DCN: variants seen among roughly 807,000 people sequenced by gnomAD.
DCN encodes the protein decorin.
Under a neutral mutation model 36.5 loss-of-function variants are expected in DCN, and 17 were observed. The observed-to-expected ratio is 0.47, with a 90% CI of 0.32 to 0.70. The LOEUF (loss-of-function observed/expected upper bound fraction) is 0.70, where lower values mean the gene tolerates loss of function less well. Among genes scored for constraint, DCN ranks in the 30% least tolerant of loss-of-function variants. The pLI, the probability that DCN is intolerant of heterozygous loss-of-function variation, is 0.04. For missense variants in DCN, 389 were observed against 430.1 expected (o/e 0.90, Z 0.84); for synonymous variants, 163 against 161.4 (o/e 1.01, Z -0.07).
In DCN at chr12:91,145,448, A is replaced by T. The variant is rs1298552139; in HGVS notation, c.*610T>A. On this transcript the variant is annotated 3_prime_UTR_variant, in exon 8 of 8. Coordinates refer to ENST00000052754, the MANE Select transcript of DCN (RefSeq NM_001920.5). ...TGAGAACTTGAAAAGATGTACTGTT[A>T]TTGTCAACAAACCAATGTCTTCTCC... is the stretch of plus-strand genomic sequence containing the variant. The T allele has an allele frequency of 6.3e-6, 1 of 158,112 alleles. No individual in the cohort carries two copies. The highest frequency in any genetic ancestry group is 2.4e-5 in the African/African-American group (1 of 41,482). The allele number at this position is 158,112 out of a possible 1,614,324, so 9.8% of individuals were successfully genotyped here.
At position 91,143,664 on chromosome 12, in the gene DCN, T is replaced by C. The variant is rs2121107788; in HGVS notation, c.*2394A>G. On this transcript the variant is annotated 3_prime_UTR_variant, in exon 8 of 8. Transcript: ENST00000052754. ...TCCATAAGACATGTACAATTAATAT[T>C]CCCATTTTATGGACAAGGAAATGAG... 6.6e-6 allele frequency: 1 copy of C among 151,852 alleles called. No homozygotes were observed. The highest frequency in any genetic ancestry group is 1.9e-4 in the East Asian group (1 of 5,162). 9.4% of individuals were successfully genotyped at this position (151,852 alleles called of 1,614,324 possible).
chr12:91,153,789 G>A (rs1284752101), intron 5 of DCN, among the ~76,000 whole-genome samples: 2 of 152,044 alleles, frequency 1.3e-5, no homozygotes, highest in Non-Finnish European at 2.9e-5. Context: ...CAGAAGGAGT[G>A]GAGAGGTCTA....
chr12:91,173,146 T>C (rs1883078904), intron 2 of DCN, among the ~76,000 whole-genome samples: 1 of 152,086 alleles, frequency 6.6e-6, no homozygotes, highest in Admixed American at 6.6e-5. Flanking sequence ...AACTATGTAA[T>C]CTTTTTCCAC....
At chr12:91,163,815 G>C (rs1249068902) in intron 3 of DCN, among the ~76,000 whole-genome samples, 1 of 151,798 alleles carries the variant, frequency 6.6e-6, no homozygotes, top group Non-Finnish European at 1.5e-5. Context: ...TGAGACTTTA[G>C]AACATCATTC....
At chr12:91,169,378 C>CTAAAA (rs71097880) in intron 2 of DCN, among the ~76,000 whole-genome samples, 17,963 of 72,890 alleles carry the variant, frequency 0.25, 3,704 homozygotes, top group African/African-American at 0.27. Context: ...GAGATCCTGT[C>CTAAAA]AAAAAAAAAA....
At chr12:91,151,549 G>T (rs372134943) in intron 7 of DCN, 105 bp downstream of exon 7, 21 of 1,349,780 alleles carry the variant, frequency 1.6e-5, no homozygotes, top group African/African-American at 7.2e-5. Context: ...AGACACTCTG[G>T]AAAAAAAACT....
chr12:91,151,604 G>A, intron 7 of DCN, 50 bp downstream of exon 7: 2 of 1,609,698 alleles, frequency 1.2e-6, no homozygotes, highest in East Asian at 2.2e-5. Context: ...AAGCAGGGTG[G>A]GGGTCTTGCT....
intron 1 of DCN, chr12:91,180,329 G>A (rs73198649): frequency 0.14 from 21,065 of 146,588 alleles, 2,353 homozygotes; most frequent in African/African-American, 0.31. Flanking sequence ...AAGAAAGAAG[G>A]AAGAAAGAAA....
At chr12:91,172,902 G>A in intron 2 of DCN, 1 of 585,154 alleles carries the variant, frequency 1.7e-6, no homozygotes, top group South Asian at 2.3e-5. Flanking sequence ...TATATAAAAA[G>A]ATAAAAGATA....
intron 7 of DCN, among the ~76,000 whole-genome samples, chr12:91,146,794 T>C (rs967514535): frequency 2.0e-5 from 3 of 152,230 alleles, no homozygotes; most frequent in Non-Finnish European, 4.4e-5. Context: ...TCAGGCTATA[T>C]ACATTGTCAT....
In DCN at chr12:91,143,772, T is replaced by C. The variant is rs2121108546; in HGVS notation, c.*2286A>G. ...AGAAATCAGCTATATTTATCTTTAT[T>C]TCAAAGGAAATAAAGATACATATAT... On this transcript the variant is annotated 3_prime_UTR_variant, in exon 8 of 8. Coordinates refer to ENST00000052754, the MANE Select transcript of DCN (RefSeq NM_001920.5). 6.7e-6 allele frequency: 1 copy of C among 150,074 alleles called. No homozygotes were observed. Among genetic ancestry groups the C allele is most frequent in the Non-Finnish European group, 1.5e-5 (1 of 67,614 alleles). The allele number at this position is 150,074 out of a possible 1,614,324, so 9.3% of individuals were successfully genotyped here.
rs569548690 is a variant in DCN, at chr12:91,175,627, C to T, written c.211+2715G>A. The T allele has an allele frequency of 2.6e-5, 4 of 152,140 alleles. No individual in the cohort carries two copies. In the South Asian group the frequency reaches 8.3e-4, roughly 32 times the overall value. 9.4% of individuals were successfully genotyped at this position (152,140 alleles called of 1,614,324 possible). On this transcript the variant is annotated intron_variant, in intron 2 of 7. Transcript: ENST00000052754. ...TAATAAGATGACAAAGGACTTTTGTCCTTCAACATTGTAGCTTCTCTCTGC... is the reference window on the plus strand; with the variant it reads ...TAATAAGATGACAAAGGACTTTTGTTCTTCAACATTGTAGCTTCTCTCTGC...
chr12:91,149,291 T>C (rs1029130077), intron 7 of DCN, among the ~76,000 whole-genome samples: 5 of 152,176 alleles, frequency 3.3e-5, no homozygotes, highest in African/African-American at 1.2e-4. Flanking sequence ...TGGTTTAACT[T>C]ATGAAAATCA....
intron 2 of DCN, among the ~76,000 whole-genome samples, chr12:91,169,401 AC>A (rs1882798450): frequency 1.4e-5 from 2 of 145,856 alleles, no homozygotes; most frequent in South Asian, 2.2e-4. Context: ...AAAAAAAAAA[AC>A]CAAAAAACAG....
At chr12:91,155,890 C>G (rs1159341878) in intron 5 of DCN, among the ~76,000 whole-genome samples, 4 of 152,096 alleles carry the variant, frequency 2.6e-5, no homozygotes, top group Non-Finnish European at 5.9e-5. Flanking sequence ...GGTAAGAAAG[C>G]ATCCTATGGA....
chr12:91,156,348 C>T (rs1176637527), intron 5 of DCN, among the ~76,000 whole-genome samples: 1 of 152,148 alleles, frequency 6.6e-6, no homozygotes, highest in Non-Finnish European at 1.5e-5. Flanking sequence ...ATTTTTAATG[C>T]ATAATAGAGA....
Position 91,145,934 on chromosome 12 carries a change from A to G in DCN, c.*124T>C, listed in dbSNP as rs1880979595. 6 of 854,598 alleles carry G rather than the reference A, an allele frequency of 7.0e-6. No individual in the cohort carries two copies. Among genetic ancestry groups the G allele is most frequent in the Non-Finnish European group, 1.1e-5 (6 of 528,986 alleles). 52.9% of individuals were successfully genotyped at this position (854,598 alleles called of 1,614,324 possible). ...AACTGGAAATTTGGCTTTATGCATAATAAGTCATGTGGGTAAAACATCCAC... is the reference window on the plus strand; with the variant it reads ...AACTGGAAATTTGGCTTTATGCATAGTAAGTCATGTGGGTAAAACATCCAC... On this transcript the variant is annotated 3_prime_UTR_variant, in exon 8 of 8. Transcript: ENST00000052754.
rs1265120347 is a variant in DCN, at chr12:91,144,960, A to G, written c.*1098T>C. 6.6e-6 allele frequency: 1 copy of G among 152,216 alleles called. No individual in the cohort carries two copies. The highest frequency in any genetic ancestry group is 1.5e-5 in the Non-Finnish European group (1 of 68,028). The allele number at this position is 152,216 out of a possible 1,614,324, so 9.4% of individuals were successfully genotyped here. On this transcript the variant is annotated 3_prime_UTR_variant, in exon 8 of 8. Transcript: ENST00000052754. ...TTATTTAAATTTACACTGTATTTCAATTATTTTTTCCCATATGAAACTATG... is the reference window on the plus strand; with the variant it reads ...TTATTTAAATTTACACTGTATTTCAGTTATTTTTTCCCATATGAAACTATG...
rs1263906382 is a variant in DCN, at chr12:91,143,252, A to G, written c.*2806T>C. ...CCTTGATTTTGAATTTTTAGCCTCC[A>G]GAATTGTGAGAAAGTAAGTTTCTGT... On this transcript the variant is annotated 3_prime_UTR_variant, in exon 8 of 8. Coordinates refer to ENST00000052754, the MANE Select transcript of DCN (RefSeq NM_001920.5). The G allele has an allele frequency of 6.6e-6, 1 of 152,256 alleles. No individual in the cohort carries two copies. Among genetic ancestry groups the G allele is most frequent in the Non-Finnish European group, 1.5e-5 (1 of 68,058 alleles). 9.4% of individuals were successfully genotyped at this position (152,256 alleles called of 1,614,324 possible).
Sources: gnomAD v4.1 joint callset for allele counts (sites outside exome capture counted in the v4.1 genomes callset) on GRCh38, gnomAD v4.1.1 for gene constraint, MANE v1.5 for transcripts, NCBI Gene and HGNC (gene_info 2026-07-23, HGNC 2026-07-21) for gene names.